Variants in FBXO39 observed in about 807,000 individuals in gnomAD.
FBXO39 encodes the protein F-box protein 39.
A neutral mutation model predicts 36.6 loss-of-function variants in FBXO39; 22 were observed. That is an observed-to-expected ratio of 0.60 (90% CI 0.43 to 0.86). FBXO39 has a LOEUF of 0.86. Among genes scored for constraint, FBXO39 ranks in the 40% least tolerant of loss-of-function variants. FBXO39 has a pLI of 0.00. For missense variants in FBXO39, 536 were observed against 543.9 expected, an observed-to-expected ratio of 0.99 and a Z score of 0.14; for synonymous variants, 206 against 205.8, an observed-to-expected ratio of 1.00 and a Z score of -0.01.
intron 1 of FBXO39, among the ~76,000 whole-genome samples, chr17:6,777,843 G>A (rs957504604): frequency 4.6e-5 from 7 of 152,190 alleles, no homozygotes; most frequent in African/African-American, 7.2e-5. Context: ...CCACTAGGGC[G>A]CCACGTCATG....
chr17:6,787,238 A>ATG lies in FBXO39; in HGVS notation c.1201-47_1201-46dup, dbSNP rs756808686. ...GTGTAGTCACCGTGTGTGTGTGTGTATGTGTGTGTGTGTGTGCGTGTGTGC... is the reference window on the plus strand; with the variant it reads ...GTGTAGTCACCGTGTGTGTGTGTGTATGTGTGTGTGTGTGTGTGCGTGTGTGC... On this transcript the variant is annotated intron_variant, in intron 3 of 3. Transcript: ENST00000321535. 2,434 of 869,364 alleles carry ATG rather than the reference A, an allele frequency of 2.8e-3. 25 individuals carry two copies. The African/African-American group carries it at 0.041, about 15-fold the overall frequency. The allele number at this position is 869,364 out of a possible 1,614,324, so 53.9% of individuals were successfully genotyped here.
rs140836497 is a variant in FBXO39 at position 6,783,483 on chromosome 17, AT to A, written c.1023+2593del. 4.4e-3 allele frequency among the ~76,000 whole-genome samples: 667 copies of A among 152,080 alleles called. 4 individuals are homozygous for A. Among genetic ancestry groups the A allele is most frequent in the African/African-American group, 0.015 (642 of 41,560 alleles). On this transcript the variant is annotated intron_variant, in intron 2 of 3. Transcript: ENST00000321535. ...CAGTGAAATAAAAGCTTTTTGAAAAATAAACAAAATTAACAAACCATTAGCA... is the reference window on the plus strand; with the variant it reads ...CAGTGAAATAAAAGCTTTTTGAAAAAAAACAAAATTAACAAACCATTAGCA...
At position 6,780,380 on chromosome 17, in the gene FBXO39, G is replaced by C. The variant is rs1422245000; in HGVS notation, c.512G>C (p.Gly171Ala). 1.9e-6 allele frequency: 3 copies of C among 1,613,950 alleles called. No individual in the cohort carries two copies. In the East Asian group the frequency reaches 6.7e-5, roughly 36 times the overall value. ...CGCCTGGATTATCTCAACCTAAAAG[G>C]GGCCAGGCTGACCGTGGAGCAAGGC... ...GKRLDYLNLK[G>A]ARLTVEQGCQ... Residue 171 changes from glycine (G) to alanine (A), a missense_variant, in exon 2 of 4, where the codon GGG becomes GCG. Physicochemically the swap from Gly to Ala is moderately conservative, Grantham distance 60. Transcript: ENST00000321535.
At chr17:6,777,800 G>A (rs1329561221) in intron 1 of FBXO39, among the ~76,000 whole-genome samples, 1 of 152,232 alleles carries the variant, frequency 6.6e-6, no homozygotes, top group Non-Finnish European at 1.5e-5. Context: ...GCAGAAGGAG[G>A]CAAGCTAAAT....
intron 2 of FBXO39, among the ~76,000 whole-genome samples, chr17:6,785,927 T>G (rs1400765399): frequency 2.0e-5 from 3 of 152,220 alleles, no homozygotes; most frequent in African/African-American, 7.2e-5. Context: ...GTACAGCCAC[T>G]GTAGAGAACA....
At position 6,786,913 on chromosome 17, in the gene FBXO39, T is replaced by C; in HGVS notation, c.1157T>C (p.Leu386Pro). Residue 386 changes from leucine to proline, a missense_variant, in exon 3 of 4, where the codon CTG (leucine) becomes CCG (proline). Leu to Pro is a moderately conservative substitution (Grantham distance 98). Coordinates refer to ENST00000321535, the MANE Select transcript of FBXO39 (RefSeq NM_153230.3). ...GATGTTAGTTTTGTGGAGCGGATCC[T>C]GAAGAGTCAGAAAGAACGGCAGTGT... Reference protein sequence around the residue: ...FLDVSFVERILKSQKERQCAL... With the variant: ...FLDVSFVERIPKSQKERQCAL... 6.2e-7 allele frequency: 1 copy of C among 1,614,058 alleles called. No individual in the cohort carries two copies. The highest frequency in any genetic ancestry group is 8.5e-7 in the Non-Finnish European group (1 of 1,179,956).
rs1976485590 is a variant in FBXO39 at position 6,780,039 on chromosome 17, G to A, written c.171G>A (p.Arg57=). The change falls in exon 2 of 4, where the codon CGG becomes CGA. Residue 57 remains arginine, a synonymous_variant. Coordinates refer to ENST00000321535, the MANE Select transcript of FBXO39 (RefSeq NM_153230.3). ...NQMMYSAELW[R]YRTITFSGRP... ...TGATGTATTCTGCTGAGCTCTGGCGGTACAGAACCATCACCTTCAGCGGGA... is the reference window on the plus strand; with the variant it reads ...TGATGTATTCTGCTGAGCTCTGGCGATACAGAACCATCACCTTCAGCGGGA... The A allele has an allele frequency of 6.2e-7, 1 of 1,614,228 alleles. No individual in the cohort carries two copies. The highest frequency in any genetic ancestry group is 8.5e-7 in the Non-Finnish European group (1 of 1,180,048).
chr17:6,785,038 C>A (rs1976554013), intron 2 of FBXO39, among the ~76,000 whole-genome samples: 1 of 145,542 alleles, frequency 6.9e-6, no homozygotes, highest in Admixed American at 6.7e-5. Context: ...AACCACATTA[C>A]CTGACTTCAA....
rs1342375688 is a variant in FBXO39 at position 6,786,795 on chromosome 17, T to C, written c.1039T>C (p.Phe347Leu). The C allele has an allele frequency of 1.2e-6, 2 of 1,606,212 alleles. No individual in the cohort carries two copies. Among genetic ancestry groups the C allele is most frequent in the Non-Finnish European group, 1.7e-6 (2 of 1,176,704 alleles). Reference sequence around the variant, plus strand: ...GCTCTTCCAGAAATTAACTTGTGAATTCAACAACAACCATGAGTCACTCGA... The same window carrying C: ...GCTCTTCCAGAAATTAACTTGTGAACTCAACAACAACCATGAGTCACTCGA... ...RHTLQKLTCE[F>L]NNNHESLDEE... The change falls in exon 3 of 4, where the codon TTC becomes CTC. Residue 347 changes from phenylalanine to leucine, a missense_variant. Physicochemically the swap from Phe to Leu is conservative, Grantham distance 22. Coordinates refer to ENST00000321535, the MANE Select transcript of FBXO39 (RefSeq NM_153230.3).
Position 6,777,353 on chromosome 17 carries a change from T to TG in FBXO39, c.-81+1082dup, listed in dbSNP as rs1261303296. ...CAACTCCCACTTATGAGTGAGAACA[T>TG]GCAGTGTTTGATTTCCTGTTCCTGC... On this transcript the variant is annotated intron_variant, in intron 1 of 3. Transcript: ENST00000321535. 2.3e-4 allele frequency among the ~76,000 whole-genome samples: 35 copies of TG among 152,126 alleles called. 2 individuals carry two copies.
In FBXO39 at chr17:6,786,856, A is replaced by G. The variant is rs767212969; in HGVS notation, c.1100A>G (p.Lys367Arg). The G allele has an allele frequency of 3.1e-6, 5 of 1,613,814 alleles. No homozygotes were observed. In the South Asian group the frequency reaches 5.5e-5, roughly 18 times the overall value. Reference sequence around the variant, plus strand: ...CACCTCCTCATCATATCCTGCAGGAAGTTGTTTTACTTCAAAATCTGGGCT... The same window carrying G: ...CACCTCCTCATCATATCCTGCAGGAGGTTGTTTTACTTCAAAATCTGGGCT... ...ELHLLIISCR[K>R]LFYFKIWAFL... Residue 367 changes from lysine to arginine, a missense_variant, in exon 3 of 4, where the codon AAG (lysine) becomes AGG (arginine). Coordinates refer to ENST00000321535, the MANE Select transcript of FBXO39 (RefSeq NM_153230.3).
intron 2 of FBXO39, among the ~76,000 whole-genome samples, chr17:6,782,127 G>A (rs1164398770): frequency 1.3e-5 from 2 of 152,180 alleles, no homozygotes; most frequent in South Asian, 2.1e-4. Flanking sequence ...ACAGTAGGGA[G>A]ACAAAGTTAA....
At chr17:6,779,601 T>G (rs909597981) in intron 1 of FBXO39, among the ~76,000 whole-genome samples, 188 bp from the exon 2 acceptor site, 1 of 152,214 alleles carries the variant, frequency 6.6e-6, no homozygotes, top group East Asian at 1.9e-4. Flanking sequence ...GGGTTATAAT[T>G]GAGTACTGGT....
chr17:6,780,749 A>G lies in FBXO39; in HGVS notation c.881A>G (p.Lys294Arg), dbSNP rs142087585. The change falls in exon 2 of 4, where the codon AAG (lysine) becomes AGG (arginine). Residue 294 changes from lysine (K) to arginine (R), a missense_variant. Coordinates refer to ENST00000321535, the MANE Select transcript of FBXO39 (RefSeq NM_153230.3). ...AACTTCTTCTTTGAACGGATCATGA[A>G]GTACGAACGCTTGGCCCGAATCCTC... Reference protein sequence around the residue: ...KVNFFFERIMKYERLARILLQ... With the variant: ...KVNFFFERIMRYERLARILLQ... The G allele has an allele frequency of 2.2e-4, 363 of 1,614,040 alleles. 2 individuals carry two copies. The highest frequency in any genetic ancestry group is 3.3e-4 in the Middle Eastern group (2 of 6,084).
At position 6,780,542 on chromosome 17, in the gene FBXO39, A is replaced by C; in HGVS notation, c.674A>C (p.Asn225Thr). 6.2e-7 allele frequency: 1 copy of C among 1,614,004 alleles called. No homozygotes were observed. Residue 225 changes from asparagine to threonine, a missense_variant, in exon 2 of 4, where the codon AAT (asparagine) becomes ACT (threonine). Asn to Thr is a moderately conservative substitution (Grantham distance 65). Coordinates refer to ENST00000321535, the MANE Select transcript of FBXO39 (RefSeq NM_153230.3). ...QFKKTMSTFH[N>T]LVSLNLNYNC... ...AAAAAGACCATGTCCACATTCCACA[A>C]TCTTGTGTCCCTGAACCTCAACTAC...
Position 6,780,193 on chromosome 17 carries a change from C to T in FBXO39, c.325C>T (p.Gln109Ter), listed in dbSNP as rs1237446447. 6.2e-7 allele frequency: 1 copy of T among 1,614,178 alleles called. No homozygotes were observed. Among genetic ancestry groups the T allele is most frequent in the Non-Finnish European group, 8.5e-7 (1 of 1,180,030 alleles). ...PYNAVLTKKF[Q>*]VTMRGLLSCL... is the part of the protein sequence containing the mutation. The stretch of plus-strand genomic sequence containing the variant: ...CAATGCTGTCTTGACCAAGAAGTTC[C>T]AGGTCACCATGCGGGGCCTCCTGTC... Residue 109 changes from glutamine to a stop codon, truncating the protein, a stop_gained, in exon 2 of 4, where the codon CAG becomes TAG. Coordinates refer to ENST00000321535, the MANE Select transcript of FBXO39 (RefSeq NM_153230.3). LOFTEE classifies it high-confidence loss of function.
chr17:6,780,610 G>A lies in FBXO39; in HGVS notation c.742G>A (p.Ala248Thr). The change falls in exon 2 of 4, where the codon GCC becomes ACC. Residue 248 changes from alanine (A) to threonine (T), a missense_variant. Coordinates refer to ENST00000321535, the MANE Select transcript of FBXO39 (RefSeq NM_153230.3). ...GCTGCTTGAGAACTTGTGTGAGAAT[G>A]CCAGCACCCTCCGGACCATCAACAT... ...DELLENLCEN[A>T]STLRTINIKC... The A allele has an allele frequency of 6.2e-7, 1 of 1,614,028 alleles. No homozygotes were observed.
chr17:6,787,475 A>T lies in FBXO39; in HGVS notation c.*47A>T. On this transcript the variant is annotated 3_prime_UTR_variant, in exon 4 of 4. Coordinates refer to ENST00000321535, the MANE Select transcript of FBXO39 (RefSeq NM_153230.3). ...AAGCTGGGAGCACTTTGAACTTGAA[A>T]ATCATTTCTCTTAGAACTACACTTG... 1.9e-6 allele frequency: 3 copies of T among 1,608,440 alleles called. No individual in the cohort carries two copies. The highest frequency in any genetic ancestry group is 2.5e-6 in the Non-Finnish European group (3 of 1,176,694).
chr17:6,780,792 C>T lies in FBXO39; in HGVS notation c.924C>T (p.Ile308=). 6.2e-7 allele frequency: 1 copy of T among 1,614,112 alleles called. No individual in the cohort carries two copies. Among genetic ancestry groups the T allele is most frequent in the Non-Finnish European group, 8.5e-7 (1 of 1,180,028 alleles). The change falls in exon 2 of 4, where the codon ATC becomes ATT. Residue 308 remains isoleucine (I), a synonymous_variant. Coordinates refer to ENST00000321535, the MANE Select transcript of FBXO39 (RefSeq NM_153230.3). ...GAATCCTCTTGCAGGAGATCCCGAT[C>T]AGGAGCATCAGTCTGAGAAGCTGCT... ...LARILLQEIP[I]RSISLRSCYF...
Sources: gnomAD v4.1 joint callset for allele counts (sites outside exome capture counted in the v4.1 genomes callset) on GRCh38, gnomAD v4.1.1 for gene constraint, MANE v1.5 for transcripts, NCBI Gene and HGNC (gene_info 2026-07-23, HGNC 2026-07-21) for gene names.